The following MYO1C variants were observed in gnomAD, a reference collection of about 807,000 sequenced individuals.
MYO1C encodes myosin IC, also known as unconventional myosin-Ic.
Under a neutral mutation model 150.8 loss-of-function variants are expected in MYO1C, and 104 were observed. The observed-to-expected ratio is 0.69, with a 90% CI of 0.59 to 0.81. MYO1C has a LOEUF of 0.81. Among genes scored for constraint, MYO1C ranks in the 30% least tolerant of loss-of-function variants. The pLI, the probability that MYO1C is intolerant of heterozygous loss-of-function variation, is 0.00. For synonymous variants in MYO1C, 663 were observed against 579.9 expected, an observed-to-expected ratio of 1.14 and a Z score of -2.06; for missense variants, 1,504 against 1,435.0, an observed-to-expected ratio of 1.05 and a Z score of -0.78.
chr17:1,470,034 A>G, intron 24 of MYO1C, 141 bp downstream of exon 24: 2 of 922,964 alleles, frequency 2.2e-6, no homozygotes, highest in Non-Finnish European at 3.2e-6. Flanking sequence ...CTCAAAAAAA[A>G]AAGAGACCTT....
intron 20 of MYO1C, 35 bp downstream of exon 20, chr17:1,471,188 A>T (rs1179454915): frequency 6.2e-7 from 1 of 1,613,752 alleles, no homozygotes; most frequent in South Asian, 1.1e-5. Context: ...TGCCACTCCC[A>T]TTCCCCGCAG....
intron 31 of MYO1C, 25 bp downstream of exon 31, chr17:1,467,216 TA>T (rs768752267): frequency 6.3e-7 from 1 of 1,591,930 alleles, no homozygotes; most frequent in Non-Finnish European, 8.6e-7. Context: ...AGCCAGGCCA[TA>T]AGCGGGAAAG....
At chr17:1,484,098 C>A (rs757299063) in intron 2 of MYO1C, 50 bp downstream of exon 2, 3 of 1,607,312 alleles carry the variant, frequency 1.9e-6, no homozygotes, top group East Asian at 4.5e-5. Context: ...CCTCCGCTTG[C>A]CTGTGTCTGT....
chr17:1,468,027 C>A lies in MYO1C; in HGVS notation c.2857G>T (p.Ala953Ser). The A allele has an allele frequency of 6.2e-7, 1 of 1,612,814 alleles. No individual in the cohort carries two copies. The highest frequency in any genetic ancestry group is 1.1e-5 in the South Asian group (1 of 91,014). ...TAATCAATCCTCTGCTTGACTTTGG[C>A]GTCCTCCACGATGACGACGGCGTTG... is the stretch of plus-strand genomic sequence containing the variant. ...TPNAVVIVED[A>S]KVKQRIDYAN... The change falls in exon 28 of 32, where the codon GCC becomes TCC. Residue 953 changes from alanine to serine, a missense_variant. Physicochemically the swap from Ala to Ser is moderately conservative, Grantham distance 99. Coordinates refer to ENST00000648651, the MANE Select transcript of MYO1C (RefSeq NM_001080779.2).
intron 31 of MYO1C, 81 bp from the exon 32 acceptor site, chr17:1,465,833 G>T (rs2074158825): frequency 8.2e-6 from 9 of 1,102,372 alleles, no homozygotes; most frequent in Non-Finnish European, 1.1e-5. Context: ...TTTCGTCCTT[G>T]TTTTTTCCTT....
chr17:1,468,413 G>A lies in MYO1C; in HGVS notation c.2694C>T (p.Ser898=), dbSNP rs140737076. 3.3e-5 allele frequency: 54 copies of A among 1,614,030 alleles called. No homozygotes were observed. The East Asian group carries it at 1.2e-3, about 35-fold the overall frequency. Residue 898 remains serine (S), a synonymous_variant, in exon 26 of 32, where the codon AGC becomes AGT. Transcript: ENST00000648651. ...YPQSVPRLFI[S]TRLGTDEISP... The stretch of plus-strand genomic sequence containing the variant: ...AAGTCAGGGGCTCACCAAGCCGAGT[G>A]CTGATGAAGAGCCTGGGTACACTCT...
At position 1,471,782 on chromosome 17, in the gene MYO1C, C is replaced by A. The variant is rs1046474617; in HGVS notation, c.2021+125G>T. The A allele has an allele frequency of 2.9e-6, 3 of 1,027,110 alleles. No individual in the cohort carries two copies. In the Admixed American group the frequency reaches 5.3e-5, roughly 18 times the overall value. 63.6% of individuals were successfully genotyped at this position (1,027,110 alleles called of 1,614,324 possible). On this transcript the variant is annotated intron_variant, in intron 19 of 31. Coordinates refer to ENST00000648651, the MANE Select transcript of MYO1C (RefSeq NM_001080779.2). Reference sequence around the variant, plus strand: ...CAGCACCAAGGGCCTCCACCAAGGGCAGCCCAGGGCCTCCGCATCCGCATT... The same window carrying A: ...CAGCACCAAGGGCCTCCACCAAGGGAAGCCCAGGGCCTCCGCATCCGCATT...
chr17:1,492,187 G>T (rs1567540073), intron 1 of MYO1C: 9 of 575,762 alleles, frequency 1.6e-5, no homozygotes, highest in Non-Finnish European at 2.2e-5. Context: ...TCGGGAAGCC[G>T]GGGAAGAGTC....
chr17:1,477,391 G>T, intron 14 of MYO1C, 114 bp downstream of exon 14: 1 of 961,382 alleles, frequency 1.0e-6, no homozygotes, highest in Non-Finnish European at 1.7e-6. Flanking sequence ...ACTCAGCACC[G>T]TCCCTGGTCA....
At position 1,471,451 on chromosome 17, in the gene MYO1C, A is replaced by C. The variant is rs962772214; in HGVS notation, c.2022-115T>G. ...TCCCACTGACTCGTTCACAGCTAGCAGGAGGCTCACTCGGTCACTGCCCCC... is the reference window on the plus strand; with the variant it reads ...TCCCACTGACTCGTTCACAGCTAGCCGGAGGCTCACTCGGTCACTGCCCCC... On this transcript the variant is annotated intron_variant, in intron 19 of 31. Transcript: ENST00000648651. 5 of 830,202 alleles carry C rather than the reference A, an allele frequency of 6.0e-6. No homozygotes were observed. The African/African-American group carries it at 8.4e-5, about 14-fold the overall frequency. 51.4% of individuals were successfully genotyped at this position (830,202 alleles called of 1,614,324 possible).
In MYO1C at chr17:1,479,824, TG is replaced by T. The variant is rs2074480697; in HGVS notation, c.907-120del. 1.4e-6 allele frequency: 1 copy of T among 698,056 alleles called. No homozygotes were observed. The highest frequency in any genetic ancestry group is 2.5e-6 in the Non-Finnish European group (1 of 402,080). 43.2% of individuals were successfully genotyped at this position (698,056 alleles called of 1,614,324 possible). A position where few individuals can be genotyped will look rare whatever the true frequency, so the allele number is the denominator to read the frequency against. ...AGTGTCGGAGAGAAGGGGCTGGAAG[TG>T]GGAATGGGTGTTAAAGGTGGAAGGT... On this transcript the variant is annotated intron_variant, in intron 7 of 31. Transcript: ENST00000648651. The surrounding 1 kb of genome is among the most constrained non-coding windows in gnomAD (Gnocchi z 4.2).
In MYO1C at chr17:1,474,991, C is replaced by T. The variant is rs374187920; in HGVS notation, c.1616G>A (p.Arg539Gln). 3.5e-5 allele frequency: 55 copies of T among 1,556,840 alleles called. No individual in the cohort carries two copies. Among genetic ancestry groups the T allele is most frequent in the African/African-American group, 4.1e-5 (3 of 73,242 alleles). Residue 539 changes from arginine (R) to glutamine (Q), a missense_variant, in exon 15 of 32, where the codon CGA (arginine) becomes CAA (glutamine). By Grantham distance (43) the Arg-to-Gln change is conservative. Coordinates refer to ENST00000648651, the MANE Select transcript of MYO1C (RefSeq NM_001080779.2). ...ADQRTRKSLG[R>Q]GEFRLLHYAG... ...ATAGTGCAGAAGGCGGAATTCCCCTCGGCCCAGAGATTTCCTGGTCCGCTG... is the reference window on the plus strand; with the variant it reads ...ATAGTGCAGAAGGCGGAATTCCCCTTGGCCCAGAGATTTCCTGGTCCGCTG...
rs774034439 is a variant in MYO1C at position 1,480,513 on chromosome 17, G to A, written c.906+14C>T. 1.9e-5 allele frequency: 30 copies of A among 1,603,868 alleles called. No individual in the cohort carries two copies. The highest frequency in any genetic ancestry group is 1.5e-4 in the South Asian group (14 of 90,872). Reference sequence around the variant, plus strand: ...GTGACAGGAGGAAAGCGAGGGTCCCGGAAGAGGCCTCACCTCCACTTCATC... The same window carrying A: ...GTGACAGGAGGAAAGCGAGGGTCCCAGAAGAGGCCTCACCTCCACTTCATC... On this transcript the variant is annotated intron_variant, in intron 7 of 31. Coordinates refer to ENST00000648651, the MANE Select transcript of MYO1C (RefSeq NM_001080779.2).
rs1598347363 is a variant in MYO1C, at chr17:1,485,201, C to G, written c.76-898G>C. The G allele has an allele frequency of 3.4e-6, 4 of 1,184,924 alleles. No homozygotes were observed. The East Asian group carries it at 1.9e-4, about 55-fold the overall frequency. 73.4% of individuals were successfully genotyped at this position (1,184,924 alleles called of 1,614,324 possible). ...CTGAGCAAGACCCTCGCCCCACAAC[C>G]AGGGCTGAGATGGATCCCTCTTCAA... On this transcript the variant is annotated intron_variant, in intron 1 of 31. Transcript: ENST00000648651.
rs2074607763 is a variant in MYO1C at position 1,484,419 on chromosome 17, A to C, written c.76-116T>G. 4 of 1,280,364 alleles carry C rather than the reference A, an allele frequency of 3.1e-6. 1 individual carries two copies. The highest frequency in any genetic ancestry group is 1.1e-6 in the Non-Finnish European group (1 of 913,162). 79.3% of individuals were successfully genotyped at this position (1,280,364 alleles called of 1,614,324 possible). A position where few individuals can be genotyped will look rare whatever the true frequency, so the allele number is the denominator to read the frequency against. On this transcript the variant is annotated intron_variant, in intron 1 of 31. Transcript: ENST00000648651. ...GGGGCTTGTGGACTCCGGGCTAGAC[A>C]CGGGACATGAGCATGACGGGTGCGG...
At chr17:1,484,591 CAG>C in intron 1 of MYO1C, 1 of 563,862 alleles carries the variant, frequency 1.8e-6, no homozygotes, top group Non-Finnish European at 3.2e-6. Flanking sequence ...GACTCGGACA[CAG>C]GGCATGGACG....
At chr17:1,481,585 C>T (rs562194209) in intron 5 of MYO1C, among the ~76,000 whole-genome samples, 4 of 152,066 alleles carry the variant, frequency 2.6e-5, no homozygotes, top group African/African-American at 4.8e-5. Context: ...ACTGCACCCT[C>T]GAACTCCCGG....
Position 1,478,162 on chromosome 17 carries a change from G to T in MYO1C, c.1326C>A (p.Asn442Lys). The T allele has an allele frequency of 6.2e-7, 1 of 1,613,972 alleles. No homozygotes were observed. Among genetic ancestry groups the T allele is most frequent in the Non-Finnish European group, 8.5e-7 (1 of 1,180,040 alleles). ...SFEQFCINYC[N>K]EKLQQLFIEL... Reference sequence around the variant, plus strand: ...CGATGAAGAGCTGCTGCAGCTTCTCGTTGCAGTAATTGATGCAGAACTGCT... The same window carrying T: ...CGATGAAGAGCTGCTGCAGCTTCTCTTTGCAGTAATTGATGCAGAACTGCT... The change falls in exon 12 of 32, where the codon AAC (asparagine) becomes AAA (lysine). Residue 442 changes from asparagine to lysine, a missense_variant. Transcript: ENST00000648651. This position sits in a 1 kb window ranked among gnomAD's most constrained non-coding sequence, Gnocchi z 6.3.
intron 1 of MYO1C, chr17:1,485,694 C>A: frequency 8.3e-7 from 1 of 1,205,868 alleles, no homozygotes; most frequent in Non-Finnish European, 1.0e-6. Context: ...CCAGGCTCAC[C>A]GACGCCCGGT....
Sources: allele counts gnomAD v4.1 joint callset (sites outside exome capture counted in the v4.1 genomes callset), GRCh38; gene constraint gnomAD v4.1.1; non-coding constraint Gnocchi (gnomAD v3.1); transcripts MANE v1.5; gene names NCBI Gene and HGNC (gene_info 2026-07-23, HGNC 2026-07-21).